The following PTPRN2 variants were observed in gnomAD, a reference collection of about 807,000 sequenced individuals.
PTPRN2 encodes receptor-type tyrosine-protein phosphatase N2.
Under a neutral mutation model 118.8 loss-of-function variants are expected in PTPRN2, and 74 were observed. That is an observed-to-expected ratio of 0.62 (90% CI 0.52 to 0.76). The LOEUF is 0.76. Ranked by LOEUF, PTPRN2 falls within the 30% of genes least tolerant of loss-of-function variation. The probability of loss-of-function intolerance (pLI) is 0.00; values close to 1 mark genes in which losing one functional copy is unlikely to be tolerated. For synonymous variants in PTPRN2, 641 were observed against 608.0 expected (o/e 1.05, Z -0.80); for missense variants, 1,481 against 1,394.4 (o/e 1.06, Z -0.99).
intron 11 of PTPRN2, among the ~76,000 whole-genome samples, chr7:158,024,649 A>T (rs1486287812): frequency 6.6e-6 from 1 of 152,198 alleles, no homozygotes; most frequent in Admixed American, 6.5e-5. Context: ...CATGGGGCTG[A>T]TCTGTGGGGC....
chr7:158,238,579 C>T (rs1472734242), intron 3 of PTPRN2, among the ~76,000 whole-genome samples: 1 of 152,162 alleles, frequency 6.6e-6, no homozygotes, highest in African/African-American at 2.4e-5. Flanking sequence ...GTCTTGTTAA[C>T]CATTGCTCCA....
At chr7:157,553,249 TTTTTAAAACGACTG>T (rs1368360415) in intron 21 of PTPRN2, among the ~76,000 whole-genome samples, 1 of 152,234 alleles carries the variant, frequency 6.6e-6, no homozygotes, top group African/African-American at 2.4e-5. Flanking sequence ...TGAAACTTCT[TTTTTAAAACGACTG>T]TCAACAGCAA....
chr7:158,185,873 G>A (rs776432268), intron 5 of PTPRN2, among the ~76,000 whole-genome samples: 23 of 152,196 alleles, frequency 1.5e-4, no homozygotes, highest in Admixed American at 3.9e-4. Flanking sequence ...TCTCTTCCCC[G>A]TCGGTCCCAC....
At chr7:157,930,919 A>T (rs1194577488) in intron 11 of PTPRN2, among the ~76,000 whole-genome samples, 7 of 152,076 alleles carry the variant, frequency 4.6e-5, no homozygotes, top group Admixed American at 4.6e-4. Context: ...GTTTTTCGCA[A>T]GAGGCAGAAC....
At chr7:157,960,823 A>C (rs1315479814) in intron 11 of PTPRN2, among the ~76,000 whole-genome samples, 16 of 152,010 alleles carry the variant, frequency 1.1e-4, no homozygotes, top group Non-Finnish European at 1.5e-5. Context: ...CCTGGCCAAC[A>C]CAGCAAAACC....
At chr7:157,599,748 C>T (rs1685599506) in intron 16 of PTPRN2, among the ~76,000 whole-genome samples, 1 of 152,208 alleles carries the variant, frequency 6.6e-6, no homozygotes. Flanking sequence ...AGGATCTGGC[C>T]AGCTTTGGGG....
At chr7:157,816,185 C>T (rs1295393820) in intron 12 of PTPRN2, among the ~76,000 whole-genome samples, 1 of 152,154 alleles carries the variant, frequency 6.6e-6, no homozygotes, top group African/African-American at 2.4e-5. Context: ...CCTGCCGGCT[C>T]GCCTCCTGCC....
chr7:157,748,602 G>A (rs1002480970), intron 12 of PTPRN2, among the ~76,000 whole-genome samples: 1,266 of 120,708 alleles, frequency 0.01, 18 homozygotes, highest in Admixed American at 0.021. Context: ...TGAGGTCTGC[G>A]TCCCTGAGCT....
At chr7:157,613,254 TC>T (rs1286176894) in intron 15 of PTPRN2, among the ~76,000 whole-genome samples, 1 of 152,262 alleles carries the variant, frequency 6.6e-6, no homozygotes, top group Non-Finnish European at 1.5e-5. Context: ...GCTAGGCGAC[TC>T]CGCTTGTCCT....
chr7:158,299,445 A>G (rs913539216), intron 3 of PTPRN2, among the ~76,000 whole-genome samples: 1 of 151,924 alleles, frequency 6.6e-6, no homozygotes, highest in Non-Finnish European at 1.5e-5. Flanking sequence ...CTACAGGTGC[A>G]TGCCACCACA....
intron 12 of PTPRN2, among the ~76,000 whole-genome samples, chr7:157,847,033 T>G (rs1808873796): frequency 6.6e-6 from 1 of 150,982 alleles, no homozygotes; most frequent in East Asian, 2.0e-4. Flanking sequence ...ACATCATGTG[T>G]GGCCGATGTT....
At chr7:158,057,916 T>A (rs1433729930) in intron 11 of PTPRN2, among the ~76,000 whole-genome samples, 2 of 152,214 alleles carry the variant, frequency 1.3e-5, no homozygotes, top group Non-Finnish European at 1.5e-5. Flanking sequence ...CGACATTATC[T>A]TTTTTTCCTT....
At chr7:157,998,131 G>T (rs1191409762) in intron 11 of PTPRN2, among the ~76,000 whole-genome samples, 2 of 151,190 alleles carry the variant, frequency 1.3e-5, no homozygotes, top group Admixed American at 1.3e-4. Context: ...GGGGCTGGGG[G>T]AGAGGAATGC....
chr7:158,420,373 A>T (rs143009483), intron 2 of PTPRN2, among the ~76,000 whole-genome samples: 1 of 152,234 alleles, frequency 6.6e-6, no homozygotes, highest in Non-Finnish European at 1.5e-5. Context: ...AGGGCAACTG[A>T]GCCACATTTG....
chr7:157,849,024 C>T (rs796803263), intron 12 of PTPRN2, among the ~76,000 whole-genome samples: 3 of 152,194 alleles, frequency 2.0e-5, no homozygotes, highest in African/African-American at 7.2e-5. Flanking sequence ...GAACCAATAG[C>T]GGGTCTTGGG....
At chr7:157,937,029 G>C (rs539668562) in intron 11 of PTPRN2, among the ~76,000 whole-genome samples, 2 of 152,264 alleles carry the variant, frequency 1.3e-5, no homozygotes, top group Admixed American at 1.3e-4. Context: ...CCTCTCACCC[G>C]CATGTCAACC....
chr7:158,262,748 TATAC>T (rs1278137823), intron 3 of PTPRN2, among the ~76,000 whole-genome samples: 7 of 127,892 alleles, frequency 5.5e-5, no homozygotes, highest in Admixed American at 2.4e-4. Flanking sequence ...ACACTGCACA[TATAC>T]ACACACTGCA....
At chr7:157,778,744 C>T (rs1046177477) in intron 12 of PTPRN2, among the ~76,000 whole-genome samples, 1 of 152,114 alleles carries the variant, frequency 6.6e-6, no homozygotes, top group African/African-American at 2.4e-5. Flanking sequence ...GCCGAATGCC[C>T]ACGTAAACAT....
At chr7:158,436,091 G>A (rs10807654) in intron 2 of PTPRN2, among the ~76,000 whole-genome samples, 149,063 of 152,342 alleles carry the variant, frequency 0.98, 72,964 homozygotes, top group African/African-American at 1. Flanking sequence ...CACAAAAAAG[G>A]ACATGGATCC....
Sources: gnomAD v4.1 joint callset for allele counts (sites outside exome capture counted in the v4.1 genomes callset) on GRCh38, gnomAD v4.1.1 for gene constraint, MANE v1.5 for transcripts, NCBI Gene and HGNC (gene_info 2026-07-23, HGNC 2026-07-21) for gene names.